Variants in MAP6 observed in about 807,000 individuals in gnomAD.
MAP6 encodes microtubule-associated protein 6.
A neutral mutation model predicts 42.4 loss-of-function variants in MAP6; 26 were observed. The ratio of observed to expected loss-of-function variants is 0.61; its 90% CI spans 0.45 to 0.85. The LOEUF (loss-of-function observed/expected upper bound fraction) is 0.85. Ranked by LOEUF, MAP6 falls within the 40% of genes least tolerant of loss-of-function variation. MAP6 has a pLI of 0.00. For synonymous variants in MAP6, 418 were observed against 443.8 expected (o/e 0.94, Z 0.73); for missense variants, 966 against 1,099.0 (o/e 0.88, Z 1.71).
At chr11:75,639,572 G>A (rs1024029121) in intron 1 of MAP6, among the ~76,000 whole-genome samples, 1 of 152,142 alleles carries the variant, frequency 6.6e-6, no homozygotes, top group Non-Finnish European at 1.5e-5. Context: ...TGCAAACACA[G>A]GAGACATCTC....
At chr11:75,646,618 T>A (rs1311028029) in intron 1 of MAP6, among the ~76,000 whole-genome samples, 1 of 148,930 alleles carries the variant, frequency 6.7e-6, no homozygotes, top group East Asian at 2.0e-4. Context: ...CAGCCTGACA[T>A]GGAGAAATCC....
At chr11:75,596,885 C>G (rs956532472) in intron 3 of MAP6, among the ~76,000 whole-genome samples, 1 of 152,156 alleles carries the variant, frequency 6.6e-6, no homozygotes, top group East Asian at 1.9e-4. Flanking sequence ...TCAGAGCAAG[C>G]GAGGGACAGA....
In MAP6 at chr11:75,667,793, C is replaced by T. The variant is rs1195646976; in HGVS notation, c.577G>A (p.Ala193Thr). ...TGGCTCTGCGGCCGGCGCTTGGGCGCCCCGAGAATGGGCGCCGACGCCTGG... is the reference window on the plus strand; with the variant it reads ...TGGCTCTGCGGCCGGCGCTTGGGCGTCCCGAGAATGGGCGCCGACGCCTGG... The part of the protein sequence containing the change: ...ASQASAPILG[A>T]PKRRPQSQER... The change falls in exon 1 of 4, where the codon GCG (alanine) becomes ACG (threonine). Residue 193 changes from alanine to threonine, a missense_variant. Around this residue, in one of 2 missense-constraint regions of MAP6, gnomAD observed 943 missense variants for 1,049.9 expected, o/e 0.90. Coordinates refer to ENST00000304771, the MANE Select transcript of MAP6 (RefSeq NM_033063.2). The surrounding 1 kb of genome is among the most constrained non-coding windows in gnomAD (Gnocchi z 5.6). 2 of 1,308,704 alleles carry T rather than the reference C, an allele frequency of 1.5e-6. No homozygotes were observed. Among genetic ancestry groups the T allele is most frequent in the South Asian group, 4.3e-5 (2 of 46,646 alleles). The allele number at this position is 1,308,704 out of a possible 1,614,324, so 81.1% of individuals were successfully genotyped here. A position where few individuals can be genotyped will look rare whatever the true frequency, so the allele number is the denominator to read the frequency against.
chr11:75,595,718 GCCCCCA>G (rs1040903334), intron 3 of MAP6, among the ~76,000 whole-genome samples: 3 of 148,076 alleles, frequency 2.0e-5, no homozygotes, highest in African/African-American at 5.0e-5. Flanking sequence ...TTCCCACAGT[GCCCCCA>G]CCCCCACCCC....
intron 3 of MAP6, among the ~76,000 whole-genome samples, chr11:75,588,449 T>C (rs777066739): frequency 2.0e-5 from 3 of 152,132 alleles, no homozygotes; most frequent in Non-Finnish European, 4.4e-5. Flanking sequence ...GGTGGCACGC[T>C]GGTGACAATG....
At chr11:75,651,026 T>A (rs955749673) in intron 1 of MAP6, among the ~76,000 whole-genome samples, 9 of 152,172 alleles carry the variant, frequency 5.9e-5, no homozygotes, top group Non-Finnish European at 1.3e-4. Flanking sequence ...ATTATCATCA[T>A]CTTCATCATC....
At chr11:75,632,638 T>C (rs911487972) in intron 1 of MAP6, among the ~76,000 whole-genome samples, 2 of 152,198 alleles carry the variant, frequency 1.3e-5, no homozygotes, top group Non-Finnish European at 2.9e-5. Context: ...GTAAGGGATG[T>C]ACATAACCTC....
At chr11:75,657,171 C>T (rs887135991) in intron 1 of MAP6, among the ~76,000 whole-genome samples, 2 of 148,776 alleles carry the variant, frequency 1.3e-5, no homozygotes, top group African/African-American at 5.0e-5. Flanking sequence ...AGTGCAGTGG[C>T]ACGATCTTGG....
At chr11:75,648,422 T>C (rs1285569553) in intron 1 of MAP6, among the ~76,000 whole-genome samples, 1 of 152,120 alleles carries the variant, frequency 6.6e-6, no homozygotes, top group Non-Finnish European at 1.5e-5. Flanking sequence ...TGCTTGACCC[T>C]GGAAGGTCGA....
intron 1 of MAP6, among the ~76,000 whole-genome samples, chr11:75,655,331 G>A (rs1943727822): frequency 6.6e-6 from 1 of 152,224 alleles, no homozygotes; most frequent in Non-Finnish European, 1.5e-5. Flanking sequence ...AAGATGGGAG[G>A]AGGGCAGGGG....
Position 75,656,200 on chromosome 11 carries a change from G to A in MAP6, c.905+11265C>T, listed in dbSNP as rs74857767. Among the ~76,000 whole-genome samples the A allele has an allele frequency of 4.4e-3, 668 of 152,310 alleles. 2 individuals carry two copies. Among genetic ancestry groups the A allele is most frequent in the Non-Finnish European group, 6.1e-3 (414 of 68,024 alleles). On this transcript the variant is annotated intron_variant, in intron 1 of 3. Transcript: ENST00000304771. The stretch of plus-strand genomic sequence containing the variant: ...TGTAGGCCAGTGTTTCAAAGACACT[G>A]CACAAAATGGACAGTGACCACAAGG...
At position 75,587,720 on chromosome 11, in the gene MAP6, T is replaced by A. The variant is rs141008550; in HGVS notation, c.1781A>T (p.Asp594Val). 210 of 1,609,146 alleles carry A rather than the reference T, an allele frequency of 1.3e-4. No individual in the cohort carries two copies. Among genetic ancestry groups the A allele is most frequent in the Non-Finnish European group, 1.7e-4 (204 of 1,177,274 alleles). ...EGPMVSASVK[D>V]QGPMVSAPVK... ...AGGTGCTGAGACCATGGGACCTTGA[T>A]CCTTGACAGATGCTGAGACCATGGG... is the stretch of plus-strand genomic sequence containing the variant. The change falls in exon 4 of 4, where the codon GAT becomes GTT. Residue 594 changes from aspartate (D) to valine (V), a missense_variant. Physicochemically the swap from Asp to Val is radical, Grantham distance 152 (BLOSUM62 -3). Transcript: ENST00000304771.
rs369348719 is a variant in MAP6 at position 75,594,192 on chromosome 11, T to C, written c.1317-6008A>G. The C allele has an allele frequency of 7.9e-5, 12 of 152,332 alleles. No individual in the cohort carries two copies. The East Asian group carries it at 9.6e-4, about 12-fold the overall frequency. The allele number at this position is 152,332 out of a possible 1,614,324, so 9.4% of individuals were successfully genotyped here. The stretch of plus-strand genomic sequence containing the variant: ...CATCTCAGCAGGCAGGTGGAAGAGA[T>C]GGAGCAAACTCACTTGGAGCAAAGA... On this transcript the variant is annotated intron_variant, in intron 3 of 3. Transcript: ENST00000304771.
rs145029434 is a variant in MAP6, at chr11:75,649,966, G to C, written c.905+17499C>G. Among the ~76,000 whole-genome samples the C allele has an allele frequency of 5.7e-3, 866 of 152,264 alleles. 10 individuals carry two copies. The highest frequency in any genetic ancestry group is 0.02 in the African/African-American group (827 of 41,546). On this transcript the variant is annotated intron_variant, in intron 1 of 3. Coordinates refer to ENST00000304771, the MANE Select transcript of MAP6 (RefSeq NM_033063.2). ...CAGAAAATGCTTTGAGGATTTATTG[G>C]AGCAGGCACCATCAGACACTTAAGC...
chr11:75,655,927 T>A (rs1288125627), intron 1 of MAP6, among the ~76,000 whole-genome samples: 1 of 152,228 alleles, frequency 6.6e-6, no homozygotes, highest in East Asian at 1.9e-4. Context: ...TCTTTAAAGA[T>A]AGAGATGTTT....
intron 1 of MAP6, among the ~76,000 whole-genome samples, chr11:75,640,218 C>G (rs1257999537): frequency 6.9e-6 from 1 of 145,424 alleles, no homozygotes. Context: ...CACACACATA[C>G]ACACACACTC....
chr11:75,657,225 C>T (rs1195276475), intron 1 of MAP6, among the ~76,000 whole-genome samples: 2 of 152,072 alleles, frequency 1.3e-5, no homozygotes, highest in African/African-American at 4.8e-5. Context: ...ATTCTCCTGC[C>T]TCAGCCTCCT....
intron 1 of MAP6, among the ~76,000 whole-genome samples, chr11:75,619,333 C>CT (rs899013367): frequency 5.9e-5 from 9 of 152,218 alleles, no homozygotes; most frequent in African/African-American, 2.2e-4. Flanking sequence ...AATTTTAAAT[C>CT]TTTTTTTAAA....
chr11:75,645,781 C>T (rs1943544212), intron 1 of MAP6, among the ~76,000 whole-genome samples: 7 of 151,896 alleles, frequency 4.6e-5, no homozygotes, highest in Admixed American at 4.6e-4. Context: ...ATAGAAATTA[C>T]AATTTTACTG....
Sources: gnomAD v4.1 joint callset for allele counts (sites outside exome capture counted in the v4.1 genomes callset) on GRCh38, gnomAD v4.1.1 for gene constraint, gnomAD v4.1.1 regional missense constraint, Gnocchi (gnomAD v3.1) non-coding constraint, MANE v1.5 for transcripts, NCBI Gene and HGNC (gene_info 2026-07-23, HGNC 2026-07-21) for gene names.